SORCS2: variants seen among roughly 807,000 people sequenced by gnomAD.
SORCS2 encodes sortilin related VPS10 domain containing receptor 2.
Under a neutral mutation model 141.6 loss-of-function variants are expected in SORCS2, and 100 were observed. The observed-to-expected ratio is 0.71, with a 90% CI of 0.60 to 0.83. SORCS2 has a LOEUF of 0.83. SORCS2 is among the 40% of genes least tolerant of loss of function. The probability of loss-of-function intolerance (pLI) is 0.00; values close to 1 mark genes in which losing one functional copy is unlikely to be tolerated. For missense variants in SORCS2, 1,646 were observed against 1,560.2 expected (o/e 1.05, Z -0.93); for synonymous variants, 789 against 676.9 (o/e 1.17, Z -2.57).
At chr4:7,319,035 A>G (rs568364775) in intron 1 of SORCS2, among the ~76,000 whole-genome samples, 2 of 152,194 alleles carry the variant, frequency 1.3e-5, no homozygotes, top group South Asian at 4.1e-4. Flanking sequence ...TGCATTTGCA[A>G]TTCATCCATG....
At chr4:7,543,760 C>T (rs1443308439) in intron 3 of SORCS2, among the ~76,000 whole-genome samples, 2 of 126,800 alleles carry the variant, frequency 1.6e-5, no homozygotes, top group South Asian at 2.8e-4. Context: ...ACCCATCCAC[C>T]CACCCATCCG....
intron 18 of SORCS2, among the ~76,000 whole-genome samples, chr4:7,721,607 A>G (rs887318531): frequency 2.6e-5 from 4 of 152,240 alleles, no homozygotes; most frequent in African/African-American, 9.6e-5. Context: ...ATGGAGAAAG[A>G]GAATAGAAAT....
intron 1 of SORCS2, among the ~76,000 whole-genome samples, chr4:7,345,775 A>G (rs1214191071): frequency 5.9e-5 from 9 of 152,166 alleles, no homozygotes; most frequent in Non-Finnish European, 1.3e-4. Flanking sequence ...TCTGCAGCAG[A>G]CCCAGTCTTC....
chr4:7,724,627 A>ACGG (rs1553808545), intron 19 of SORCS2, among the ~76,000 whole-genome samples: 1 of 67,776 alleles, frequency 1.5e-5, no homozygotes, highest in Admixed American at 1.7e-4. Flanking sequence ...GAGGATGGTG[A>ACGG]TGGTGGTGAT....
intron 3 of SORCS2, among the ~76,000 whole-genome samples, chr4:7,549,796 G>A (rs882267): frequency 0.15 from 22,872 of 152,102 alleles, 1,749 homozygotes; most frequent in African/African-American, 0.18. Flanking sequence ...GACCAGCACC[G>A]TATCTTATCC....
intron 11 of SORCS2, among the ~76,000 whole-genome samples, chr4:7,694,272 G>A (rs1235089917): frequency 6.6e-6 from 1 of 152,198 alleles, no homozygotes; most frequent in Non-Finnish European, 1.5e-5. Flanking sequence ...CACCCAGGCA[G>A]GGAGGCAGCA....
At chr4:7,212,790 G>A (rs554703979) in intron 1 of SORCS2, among the ~76,000 whole-genome samples, 3 of 152,374 alleles carry the variant, frequency 2.0e-5, no homozygotes, top group South Asian at 4.1e-4. Flanking sequence ...GAGGAGTTTC[G>A]TCTCCAGATG....
intron 3 of SORCS2, among the ~76,000 whole-genome samples, chr4:7,565,841 A>G (rs1714945767): frequency 2.7e-5 from 1 of 37,250 alleles, no homozygotes; most frequent in Non-Finnish European, 9.8e-5. Flanking sequence ...GATGATGGTG[A>G]TGGTGATGAT....
In SORCS2 at chr4:7,728,438, G is replaced by A; in HGVS notation, c.2958G>A (p.Leu986=). The A allele has an allele frequency of 6.2e-7, 1 of 1,613,332 alleles. No homozygotes were observed. Among genetic ancestry groups the A allele is most frequent in the Non-Finnish European group, 8.5e-7 (1 of 1,179,714 alleles). The stretch of plus-strand genomic sequence containing the variant: ...CTGAGTGGAGGGAAGACGTGGGCCT[G>A]GTGGTCACCCGGCTGCTCTCCAAGG... The part of the protein sequence containing the change: ...NTPEWREDVG[L]VVTRLLSKET... The change falls in exon 22 of 27, where the codon CTG becomes CTA. Residue 986 remains leucine (L), a synonymous_variant. Coordinates refer to ENST00000507866, the MANE Select transcript of SORCS2 (RefSeq NM_020777.3).
rs767270618 is a variant in SORCS2 at position 7,682,721 on chromosome 4, CCTT to C, written c.1342-18_1342-16del. The C allele has an allele frequency of 3.9e-5, 62 of 1,596,142 alleles. No homozygotes were observed. The highest frequency in any genetic ancestry group is 1.8e-4 in the East Asian group (8 of 44,404). ...GAGTGCTCCAGTGTAAGTTTACAGT[CCTT>C]CTTTTATTTTTGTCCCAGGTCAGAG... is the stretch of plus-strand genomic sequence containing the variant. On this transcript the variant is annotated intron_variant, in intron 9 of 26. Transcript: ENST00000507866.
At chr4:7,624,403 A>G (rs1719393937) in intron 3 of SORCS2, among the ~76,000 whole-genome samples, 1 of 152,240 alleles carries the variant, frequency 6.6e-6, no homozygotes, top group Admixed American at 6.5e-5. Context: ...GGGAACGATA[A>G]GGGAATGATA....
intron 4 of SORCS2, among the ~76,000 whole-genome samples, chr4:7,652,986 G>A (rs1721537165): frequency 6.6e-6 from 1 of 151,736 alleles, no homozygotes; most frequent in African/African-American, 2.4e-5. Flanking sequence ...TGGCCCACAG[G>A]GACACCCTCC....
intron 2 of SORCS2, among the ~76,000 whole-genome samples, chr4:7,454,240 G>C (rs1444101646): frequency 1.5e-5 from 2 of 130,412 alleles, no homozygotes; most frequent in African/African-American, 6.2e-5. Context: ...GTCAGGTGCT[G>C]TGTGTTGGGG....
rs559211477 is a variant in SORCS2, at chr4:7,207,379, C to G, written c.480+14253C>G. On this transcript the variant is annotated intron_variant, in intron 1 of 26. Coordinates refer to ENST00000507866, the MANE Select transcript of SORCS2 (RefSeq NM_020777.3). ...TGGGCCGGGAGCCGACGTGAGTCAC[C>G]GGGCTGCTCTCTGCGTTCACCCAGC... Among the ~76,000 whole-genome samples the G allele has an allele frequency of 2.6e-5, 4 of 152,332 alleles. No homozygotes were observed. The South Asian group carries it at 8.3e-4, about 32-fold the overall frequency.
At chr4:7,443,161 C>T (rs966178025) in intron 2 of SORCS2, among the ~76,000 whole-genome samples, 1 of 152,244 alleles carries the variant, frequency 6.6e-6, no homozygotes, top group Non-Finnish European at 1.5e-5. Context: ...TATGTCAGAT[C>T]ACAGGTACCA....
chr4:7,726,997 C>T, intron 21 of SORCS2, 94 bp downstream of exon 21: 1 of 1,406,312 alleles, frequency 7.1e-7, no homozygotes, highest in South Asian at 1.4e-5. Context: ...CATGGATGTC[C>T]TGGTCACCCT....
intron 1 of SORCS2, among the ~76,000 whole-genome samples, chr4:7,382,510 C>T (rs906354081): frequency 4.6e-5 from 7 of 152,082 alleles, no homozygotes; most frequent in East Asian, 1.9e-4. Context: ...GCCAGGGAGC[C>T]GGGAAGGCCT....
At chr4:7,687,933 A>T (rs1278141144) in intron 10 of SORCS2, among the ~76,000 whole-genome samples, 1 of 152,126 alleles carries the variant, frequency 6.6e-6, no homozygotes, top group Non-Finnish European at 1.5e-5. Context: ...GGCTCTGTAG[A>T]TTCCCTGCTC....
chr4:7,275,869 C>A (rs1018978254), intron 1 of SORCS2, among the ~76,000 whole-genome samples: 12 of 152,132 alleles, frequency 7.9e-5, no homozygotes, highest in Admixed American at 7.2e-4. Context: ...ATTCATTCAT[C>A]AAATTTATAT....
Sources: gnomAD v4.1 joint callset for allele counts (sites outside exome capture counted in the v4.1 genomes callset) on GRCh38, gnomAD v4.1.1 for gene constraint, MANE v1.5 for transcripts, NCBI Gene and HGNC (gene_info 2026-07-23, HGNC 2026-07-21) for gene names.